The following CACNA1S variants were observed in gnomAD, a reference collection of about 807,000 sequenced individuals.
CACNA1S encodes the protein calcium voltage-gated channel subunit alpha1 S, also known as voltage-dependent L-type calcium channel subunit alpha-1S.
A neutral mutation model predicts 207.4 loss-of-function variants in CACNA1S; 126 were observed. The observed-to-expected ratio is 0.61, with a 90% CI of 0.53 to 0.70. CACNA1S has a LOEUF of 0.70. Ranked by LOEUF, CACNA1S falls within the 30% of genes least tolerant of loss-of-function variation. The pLI, the probability that CACNA1S is intolerant of heterozygous loss-of-function variation, is 0.00. For missense variants in CACNA1S, 2,349 were observed against 2,422.8 expected, an observed-to-expected ratio of 0.97 and a Z score of 0.64; for synonymous variants, 960 against 932.7, an observed-to-expected ratio of 1.03 and a Z score of -0.53.
chr1:201,100,633 C>A (rs17454947), intron 2 of CACNA1S, among the ~76,000 whole-genome samples: 28,979 of 152,116 alleles, frequency 0.19, 3,046 homozygotes, highest in Non-Finnish European at 0.24. Flanking sequence ...CTGGGTGGGC[C>A]AGACACACCA....
intron 14 of CACNA1S, among the ~76,000 whole-genome samples, chr1:201,074,036 A>AATGGGTGTCCCATTCCTGTAGGC (rs1661516253): frequency 6.6e-6 from 1 of 152,056 alleles, no homozygotes; most frequent in African/African-American, 2.4e-5. Flanking sequence ...CCTCCACAGG[A>AATGGGTGTCCCATTCCTGTAGGC]ATGGGTGTCC....
intron 26 of CACNA1S, among the ~76,000 whole-genome samples, chr1:201,060,085 T>C (rs7556265): frequency 0.1 from 15,970 of 152,228 alleles, 1,044 homozygotes; most frequent in African/African-American, 0.18. Flanking sequence ...TGTCTTTCCA[T>C]ATCACCATGA....
Position 201,050,441 on chromosome 1 carries a change from G to A in CACNA1S, c.4189C>T (p.His1397Tyr), listed in dbSNP as rs1184865188. The A allele has an allele frequency of 1.2e-6, 2 of 1,614,120 alleles. No individual in the cohort carries two copies. Among genetic ancestry groups the A allele is most frequent in the Middle Eastern group, 1.6e-4 (1 of 6,062 alleles). ...LTRDWSILGP[H>Y]HLDEFKAIWA... ...ATGGCCTTGAACTCATCCAGGTGAT[G>A]AGGGCCCAGGATGGACCAGTCCCGG... The change falls in exon 34 of 44, where the codon CAT (histidine) becomes TAT (tyrosine). Residue 1397 changes from histidine (H) to tyrosine (Y), a missense_variant. Coordinates refer to ENST00000362061, the MANE Select transcript of CACNA1S (RefSeq NM_000069.3).
chr1:201,075,226 C>G (rs1335387101), intron 13 of CACNA1S, among the ~76,000 whole-genome samples: 1 of 152,222 alleles, frequency 6.6e-6, no homozygotes, highest in African/African-American at 2.4e-5. Context: ...CTCCCCACTG[C>G]TCTAGGCTCA....
intron 27 of CACNA1S, 150 bp downstream of exon 27, chr1:201,059,039 G>T: frequency 1.6e-6 from 1 of 620,828 alleles, no homozygotes; most frequent in Admixed American, 2.5e-5. Flanking sequence ...GTGTCTGAAG[G>T]TGGAAGTGGG....
chr1:201,076,966 C>A lies in CACNA1S; in HGVS notation c.1781G>T (p.Arg594Leu), dbSNP rs762032797. 21 of 1,614,098 alleles carry A rather than the reference C, an allele frequency of 1.3e-5. No individual in the cohort carries two copies. The African/African-American group carries it at 2.5e-4, about 19-fold the overall frequency. The change falls in exon 12 of 44, where the codon CGC becomes CTC. Residue 594 changes from arginine (R) to leucine (L), a missense_variant. Transcript: ENST00000362061. ...RYDFEDTEVR[R>L]SNFDNFPQAL... is the part of the protein sequence containing the mutation. ...TTGGGGAAAGTTGTCAAAGTTGCTG[C>A]GCCGTACTTCTGTGTCTTCAAAGTC...
At chr1:201,099,236 A>G (rs1662551699) in intron 2 of CACNA1S, among the ~76,000 whole-genome samples, 1 of 152,160 alleles carries the variant, frequency 6.6e-6, no homozygotes, top group South Asian at 2.1e-4. Context: ...AGCAGATACC[A>G]CACCTTCTTC....
intron 1 of CACNA1S, among the ~76,000 whole-genome samples, chr1:201,111,188 G>A (rs949153730): frequency 2.6e-5 from 4 of 152,090 alleles, no homozygotes; most frequent in African/African-American, 4.8e-5. Context: ...GGCCGAGAGC[G>A]GGTCAGGGGA....
chr1:201,061,285 A>G lies in CACNA1S; in HGVS notation c.3237T>C (p.Cys1079=), dbSNP rs1398878764. The change falls in exon 25 of 44, where the codon TGT becomes TGC. Residue 1079 remains cysteine (C), a synonymous_variant. Coordinates refer to ENST00000362061, the MANE Select transcript of CACNA1S (RefSeq NM_000069.3). ...QEQGETEYKN[C]ELDKNQRQCV... is the part of the protein sequence containing the mutation. ...CAGGCACCTGGTTCTTGTCCAGCTC[A>G]CAGTTCTTGTACTCAGTCTCTCCCT... is the stretch of plus-strand genomic sequence containing the variant. The G allele has an allele frequency of 6.2e-7, 1 of 1,613,952 alleles. No individual in the cohort carries two copies. The highest frequency in any genetic ancestry group is 8.5e-7 in the Non-Finnish European group (1 of 1,179,994).
chr1:201,112,162 C>G lies in CACNA1S; in HGVS notation c.152+26G>C, dbSNP rs74875474. On this transcript the variant is annotated intron_variant, in intron 1 of 43. Transcript: ENST00000362061. The stretch of plus-strand genomic sequence containing the variant: ...CCCTCCCTCATGACGCACACCCCCC[C>G]CCACGGCCCGGGCCCTGAAGGATAC... 5.4e-3 allele frequency: 8,721 copies of G among 1,607,028 alleles called. 62 individuals are homozygous for G. The highest frequency in any genetic ancestry group is 0.013 in the South Asian group (1,170 of 90,894).
intron 28 of CACNA1S, among the ~76,000 whole-genome samples, chr1:201,057,440 A>G (rs532227616): frequency 1.3e-5 from 2 of 152,192 alleles, no homozygotes; most frequent in Non-Finnish European, 2.9e-5. Context: ...GTTTCTGTAT[A>G]ATACTATGTA....
intron 6 of CACNA1S, among the ~76,000 whole-genome samples, 172 bp downstream of exon 6, chr1:201,089,086 C>T (rs999441929): frequency 1.3e-5 from 2 of 152,214 alleles, no homozygotes; most frequent in Non-Finnish European, 2.9e-5. Context: ...TACCTGGGAA[C>T]CAGAAAGGGA....
Position 201,047,562 on chromosome 1 carries a change from G to A in CACNA1S, c.4506C>T (p.Ser1502=), listed in dbSNP as rs200892449. The A allele has an allele frequency of 1.9e-4, 310 of 1,614,174 alleles. 1 individual carries two copies. The highest frequency in any genetic ancestry group is 2.6e-4 in the Non-Finnish European group (302 of 1,179,998). The stretch of plus-strand genomic sequence containing the variant: ...GGATGACCTGGTCCAAGAGCTTCAT[G>A]CTGGTTCTCTTCCAGATCTTCTTGA... The part of the protein sequence containing the change: ...AIIKKIWKRT[S]MKLLDQVIPP... Residue 1502 remains serine, a synonymous_variant, in exon 37 of 44, where the codon AGC becomes AGT. Transcript: ENST00000362061.
intron 5 of CACNA1S, among the ~76,000 whole-genome samples, chr1:201,090,257 C>G (rs1440554037): frequency 1.3e-5 from 2 of 152,212 alleles, no homozygotes; most frequent in Non-Finnish European, 2.9e-5. Context: ...TTGAGCACTG[C>G]TGCTCAGCAT....
intron 7 of CACNA1S, among the ~76,000 whole-genome samples, chr1:201,086,563 G>C (rs1378932633): frequency 6.6e-6 from 1 of 152,198 alleles, no homozygotes; most frequent in Non-Finnish European, 1.5e-5. Flanking sequence ...GTAGGCGATT[G>C]TATCTGTGGA....
chr1:201,048,882 T>G, intron 35 of CACNA1S, 121 bp downstream of exon 35: 1 of 894,188 alleles, frequency 1.1e-6, no homozygotes, highest in African/African-American at 1.6e-5. Flanking sequence ...TGGGAGGAAC[T>G]TGGGGACCCA....
chr1:201,100,207 C>T (rs1536128), intron 2 of CACNA1S, among the ~76,000 whole-genome samples: 2,026 of 152,310 alleles, frequency 0.013, 46 homozygotes, highest in African/African-American at 0.043. Flanking sequence ...CAGTTGTGGA[C>T]GGAGGTTTGC....
intron 38 of CACNA1S, among the ~76,000 whole-genome samples, 172 bp downstream of exon 38, chr1:201,046,943 A>AT (rs557669911): frequency 4.6e-5 from 7 of 152,142 alleles, no homozygotes; most frequent in Non-Finnish European, 7.4e-5. Context: ...AGGTTGAAAC[A>AT]TCTTCAATCA....
At chr1:201,108,964 C>CT in intron 2 of CACNA1S, among the ~76,000 whole-genome samples, 1 of 152,288 alleles carries the variant, frequency 6.6e-6, no homozygotes, top group Non-Finnish European at 1.5e-5. Context: ...AGAGCAGGTT[C>CT]TGGCTAGGTG....
Sources: allele counts gnomAD v4.1 joint callset (sites outside exome capture counted in the v4.1 genomes callset), GRCh38; gene constraint gnomAD v4.1.1; transcripts MANE v1.5; gene names NCBI Gene and HGNC (gene_info 2026-07-23, HGNC 2026-07-21).